The following CEP350 variants were observed in gnomAD, a reference collection of about 807,000 sequenced individuals.
CEP350 encodes the protein centrosomal protein 350, also known as centrosome-associated protein 350.
Under a neutral mutation model 331.8 loss-of-function variants are expected in CEP350, and 126 were observed. The ratio of observed to expected loss-of-function variants is 0.38; its 90% CI spans 0.33 to 0.44. The LOEUF (loss-of-function observed/expected upper bound fraction) is 0.44, where lower values mean the gene tolerates loss of function less well. CEP350 is among the 20% of genes least tolerant of loss of function. CEP350 has a pLI of 1.00. For synonymous variants in CEP350, 1,200 were observed against 1,259.5 expected (o/e 0.95, Z 1.00); for missense variants, 3,406 against 3,634.6 (o/e 0.94, Z 1.62).
At chr1:179,977,038 T>TG (rs1328745433) in intron 1 of CEP350, among the ~76,000 whole-genome samples, 1 of 152,240 alleles carries the variant, frequency 6.6e-6, no homozygotes, top group Non-Finnish European at 1.5e-5. Flanking sequence ...TTTTTCAGCT[T>TG]GGCTCCTTAT....
intron 1 of CEP350, among the ~76,000 whole-genome samples, chr1:179,978,141 T>G (rs1652011250): frequency 6.6e-6 from 1 of 152,148 alleles, no homozygotes; most frequent in African/African-American, 2.4e-5. Flanking sequence ...CAAAACATCA[T>G]TGCATGGCGC....
intron 37 of CEP350, among the ~76,000 whole-genome samples, chr1:180,102,620 A>C (rs1660891295): frequency 6.6e-6 from 1 of 152,256 alleles, no homozygotes; most frequent in Non-Finnish European, 1.5e-5. Context: ...TATAAAAAAG[A>C]ATAGAAAATA....
At chr1:180,081,147 C>T (rs1013897550) in intron 30 of CEP350, among the ~76,000 whole-genome samples, 1 of 152,114 alleles carries the variant, frequency 6.6e-6, no homozygotes, top group Non-Finnish European at 1.5e-5. Context: ...GGATTACAGG[C>T]GTGAGCCACT....
chr1:180,093,251 T>C lies in CEP350; in HGVS notation c.7146T>C (p.Ser2382=). The part of the protein sequence containing the change: ...EIPYSEDFEV[S]SFKKEISAEL... ...CATACTCTGAAGATTTTGAAGTGTC[T>C]TCTTTCAAGAAAGAAATTTCAGCTG... Residue 2382 remains serine (S), a synonymous_variant, in exon 34 of 38, where the codon TCT becomes TCC. Coordinates refer to ENST00000367607, the MANE Select transcript of CEP350 (RefSeq NM_014810.5). 1 of 1,601,726 alleles carries C rather than the reference T, an allele frequency of 6.2e-7. No homozygotes were observed. The highest frequency in any genetic ancestry group is 8.5e-7 in the Non-Finnish European group (1 of 1,173,132).
intron 3 of CEP350, among the ~76,000 whole-genome samples, chr1:179,989,355 C>T (rs1652883911): frequency 6.6e-6 from 1 of 151,396 alleles, no homozygotes; most frequent in African/African-American, 2.4e-5. Context: ...TGGTGGTGTA[C>T]ATCTGTAGTC....
intron 9 of CEP350, among the ~76,000 whole-genome samples, 153 bp from the exon 10 acceptor site, chr1:180,013,694 T>C (rs1421069187): frequency 2.6e-5 from 4 of 152,200 alleles, no homozygotes; most frequent in Non-Finnish European, 5.9e-5. Flanking sequence ...AGGCTTTTCT[T>C]TCCTTTTATA....
Position 179,996,737 on chromosome 1 carries a change from G to A in CEP350, c.580G>A (p.Val194Ile). The change falls in exon 6 of 38, where the codon GTT becomes ATT. Residue 194 changes from valine (V) to isoleucine (I), a missense_variant. Physicochemically the swap from Val to Ile is conservative, Grantham distance 29. Around this residue, in one of 5 missense-constraint regions of CEP350, gnomAD observed 1,857 missense variants for 1,909.2 expected, o/e 0.97. Transcript: ENST00000367607. ...ATCATCTGTCATCAATGATACAGTT[G>A]TTAGGTTTTTAAATGATCGACCAGC... is the stretch of plus-strand genomic sequence containing the variant. Reference protein sequence around the residue: ...SQSSVINDTVVRFLNDRPAID... With the variant: ...SQSSVINDTVIRFLNDRPAID... 6.2e-7 allele frequency: 1 copy of A among 1,613,610 alleles called. No individual in the cohort carries two copies. Among genetic ancestry groups the A allele is most frequent in the Non-Finnish European group, 8.5e-7 (1 of 1,179,674 alleles).
chr1:180,091,203 C>T (rs7525460), intron 33 of CEP350, among the ~76,000 whole-genome samples: 118,965 of 150,148 alleles, frequency 0.79, 47,659 homozygotes, highest in South Asian at 0.86. Context: ...TTTTAAGAGA[C>T]GGGGGGGTCT....
intron 1 of CEP350, among the ~76,000 whole-genome samples, chr1:179,962,045 C>T (rs2148540120): frequency 6.6e-6 from 1 of 151,872 alleles, no homozygotes; most frequent in Admixed American, 6.6e-5. Context: ...TGGGGTTTCA[C>T]CATGTTGGCC....
intron 22 of CEP350, chr1:180,052,213 C>CTTTT (rs1438457998): frequency 8.8e-6 from 4 of 453,780 alleles, no homozygotes; most frequent in African/African-American, 8.0e-5. Flanking sequence ...TTCTTTCTTT[C>CTTTT]TTTTTTTAAG....
At chr1:180,098,359 TAGATA>T (rs1660611348) in intron 36 of CEP350, among the ~76,000 whole-genome samples, 1 of 151,810 alleles carries the variant, frequency 6.6e-6, no homozygotes, top group Non-Finnish European at 1.5e-5. Context: ...TTGTTATTTT[TAGATA>T]AGATCTCGCT....
chr1:180,041,833 ACTT>A, intron 19 of CEP350, 31 bp downstream of exon 19: 1 of 1,589,122 alleles, frequency 6.3e-7, no homozygotes, highest in South Asian at 1.1e-5. Context: ...TTCTCTTTTT[ACTT>A]CTTTTTAGTC....
chr1:179,955,069 G>A lies in CEP350; in HGVS notation c.-87G>A, dbSNP rs1319267166. 3 of 1,425,354 alleles carry A rather than the reference G, an allele frequency of 2.1e-6. No individual in the cohort carries two copies. In the Admixed American group the frequency reaches 8.1e-5, roughly 38 times the overall value. 88.3% of individuals were successfully genotyped at this position (1,425,354 alleles called of 1,614,324 possible). A position where few individuals can be genotyped will look rare whatever the true frequency, so the allele number is the denominator to read the frequency against. On this transcript the variant is annotated 5_prime_UTR_variant, in exon 1 of 38. Transcript: ENST00000367607. ...CCGGGCAGCCCTGGGGCCGGTCGGG[G>A]CGGCGTCACTGCACCCTCCGCCAGG... is the stretch of plus-strand genomic sequence containing the variant.
At position 180,095,537 on chromosome 1, in the gene CEP350, T is replaced by A. The variant is rs768406421; in HGVS notation, c.8526T>A (p.Phe2842Leu). 6.2e-7 allele frequency: 1 copy of A among 1,613,650 alleles called. No homozygotes were observed. Among genetic ancestry groups the A allele is most frequent in the African/African-American group, 1.3e-5 (1 of 74,894 alleles). ...CATTTCTATAGGAGAGCCCAGTATT[T>A]GGTGCCAGTGGGCAGGAAGAACTTG... ...DMCPRPESPVFGASGQEELAK... is the reference protein window; with the variant it reads ...DMCPRPESPVLGASGQEELAK... Residue 2842 changes from phenylalanine (F) to leucine (L), a missense_variant, in exon 35 of 38, where the codon TTT becomes TTA. This residue lies in a region of CEP350 where 1,415 missense variants were observed against 1,512.3 expected (regional missense o/e 0.94). Transcript: ENST00000367607.
chr1:180,001,070 T>A (rs1208941179), intron 6 of CEP350, among the ~76,000 whole-genome samples: 2 of 152,130 alleles, frequency 1.3e-5, no homozygotes, highest in South Asian at 2.1e-4. Context: ...CTACTACCAG[T>A]TTTTTACTCC....
chr1:179,980,508 C>G (rs1331856968), intron 1 of CEP350, among the ~76,000 whole-genome samples: 3 of 152,046 alleles, frequency 2.0e-5, no homozygotes, highest in African/African-American at 7.2e-5. Flanking sequence ...TTGACTTCCT[C>G]CTTTGCAATT....
In CEP350 at chr1:180,090,709, G is replaced by A. The variant is rs750402186; in HGVS notation, c.6426-5G>A. 3.2e-6 allele frequency: 5 copies of A among 1,544,652 alleles called. No homozygotes were observed. In the South Asian group the frequency reaches 3.6e-5, roughly 11 times the overall value. ...TATTTCTGCTCATTAATTTTTACAC[G>A]TCAGATCTGAAACGGCAAAGAATTG... On this transcript the variant is annotated splice_polypyrimidine_tract_variant and splice_region_variant and intron_variant, in intron 32 of 37. Transcript: ENST00000367607.
At chr1:180,009,720 A>C (rs546892047) in intron 8 of CEP350, among the ~76,000 whole-genome samples, 1 of 152,314 alleles carries the variant, frequency 6.6e-6, no homozygotes, top group East Asian at 1.9e-4. Context: ...ATTTTACATA[A>C]GAACATCAAG....
chr1:179,962,991 T>C (rs1650743708), intron 1 of CEP350, among the ~76,000 whole-genome samples: 1 of 152,318 alleles, frequency 6.6e-6, no homozygotes, highest in East Asian at 1.9e-4. Context: ...TTTAACTCTT[T>C]AATAATAGCA....
Sources: gnomAD v4.1 joint callset for allele counts (sites outside exome capture counted in the v4.1 genomes callset) on GRCh38, gnomAD v4.1.1 for gene constraint, gnomAD v4.1.1 regional missense constraint, MANE v1.5 for transcripts, NCBI Gene and HGNC (gene_info 2026-07-23, HGNC 2026-07-21) for gene names.